Variants in NGLY1 observed in about 807,000 individuals in gnomAD.
NGLY1 encodes peptide-N(4)-(N-acetyl-beta-glucosaminyl)asparagine amidase.
NGLY1 carries 68 observed loss-of-function variants against 84.6 expected under a neutral mutation model. That is an observed-to-expected ratio of 0.80 (90% CI 0.66 to 0.98). The LOEUF (loss-of-function observed/expected upper bound fraction) is 0.98, where lower values mean the gene tolerates loss of function less well. Ranked by LOEUF, NGLY1 falls within the 50% of genes least tolerant of loss-of-function variation. The pLI is 0.00. For missense variants in NGLY1, 779 were observed against 770.2 expected, an observed-to-expected ratio of 1.01 and a Z score of -0.14; for synonymous variants, 280 against 275.2, an observed-to-expected ratio of 1.02 and a Z score of -0.17.
At chr3:25,754,531 G>A (rs1398464601) in intron 3 of NGLY1, among the ~76,000 whole-genome samples, 2 of 152,072 alleles carry the variant, frequency 1.3e-5, no homozygotes, top group African/African-American at 2.4e-5. Context: ...AGAGTAAAAC[G>A]ATCTGATGTG....
intron 1 of NGLY1, among the ~76,000 whole-genome samples, chr3:25,780,992 T>A (rs1264147741): frequency 6.6e-6 from 1 of 152,142 alleles, no homozygotes; most frequent in African/African-American, 2.4e-5. Context: ...TTTTCTTTTT[T>A]GAGAAAGGTC....
intron 4 of NGLY1, among the ~76,000 whole-genome samples, chr3:25,740,424 T>C (rs1231209096): frequency 6.6e-6 from 1 of 152,152 alleles, no homozygotes; most frequent in Non-Finnish European, 1.5e-5. Context: ...CAGATCTCTC[T>C]TGTTCATATT....
At chr3:25,762,934 A>G (rs765246995) in intron 3 of NGLY1, among the ~76,000 whole-genome samples, 3 of 152,052 alleles carry the variant, frequency 2.0e-5, no homozygotes, top group Non-Finnish European at 4.4e-5. Flanking sequence ...AGCCTGGGCA[A>G]CAAGAGTGAA....
At chr3:25,753,316 G>A (rs1291047235) in intron 3 of NGLY1, among the ~76,000 whole-genome samples, 1 of 152,106 alleles carries the variant, frequency 6.6e-6, no homozygotes, top group Non-Finnish European at 1.5e-5. Flanking sequence ...AACTAATCAT[G>A]TACAGGGGCA....
At position 25,764,291 on chromosome 3, in the gene NGLY1, A is replaced by T; in HGVS notation, c.267T>A (p.Phe89Leu). 6.2e-7 allele frequency: 1 copy of T among 1,613,994 alleles called. No individual in the cohort carries two copies. Among genetic ancestry groups the T allele is most frequent in the African/African-American group, 1.3e-5 (1 of 75,006 alleles). Residue 89 changes from phenylalanine (F) to leucine (L), a missense_variant, in exon 3 of 12, where the codon TTT becomes TTA. Transcript: ENST00000280700. The stretch of plus-strand genomic sequence containing the variant: ...GCTGCTCCACTGAAGCTTTTTTAGG[A>T]AAGATGAGATGTGTTTCTCCCTGGA... The part of the protein sequence containing the change: ...GFEEGETHLI[F>L]PKKASVEQLQ...
intron 2 of NGLY1, among the ~76,000 whole-genome samples, chr3:25,775,385 C>T (rs533994018): frequency 3.9e-5 from 6 of 152,282 alleles, no homozygotes; most frequent in African/African-American, 1.2e-4. Context: ...TGGAATTAAC[C>T]TAATTGTCCA....
At chr3:25,778,732 T>G (rs1476511446) in intron 1 of NGLY1, 44 bp from the exon 2 acceptor site, 1 of 1,173,558 alleles carries the variant, frequency 8.5e-7, no homozygotes, top group East Asian at 2.4e-5. Context: ...AAAAACCAGG[T>G]CATAGTTCTT....
At chr3:25,753,411 T>A (rs1706860037) in intron 3 of NGLY1, among the ~76,000 whole-genome samples, 1 of 79,026 alleles carries the variant, frequency 1.3e-5, no homozygotes, top group African/African-American at 2.5e-5. Context: ...GGAAAGTTAT[T>A]ATAGCCAAAA....
intron 7 of NGLY1, chr3:25,735,007 A>G (rs1246645667): frequency 6.5e-6 from 2 of 306,976 alleles, no homozygotes; most frequent in African/African-American, 4.4e-5. Context: ...AAATGGTGCT[A>G]GAACAATTCA....
rs1706985814 is a variant in NGLY1, at chr3:25,755,361, CT to C, written c.493-4099del. 3.8e-6 allele frequency: 5 copies of C among 1,304,858 alleles called. No individual in the cohort carries two copies. The Admixed American group carries it at 8.4e-5, about 22-fold the overall frequency. 80.8% of individuals were successfully genotyped at this position (1,304,858 alleles called of 1,614,324 possible). A position where few individuals can be genotyped will look rare whatever the true frequency, so the allele number is the denominator to read the frequency against. On this transcript the variant is annotated intron_variant, in intron 3 of 11. Coordinates refer to ENST00000280700, the MANE Select transcript of NGLY1 (RefSeq NM_018297.4). Reference sequence around the variant, plus strand: ...CAAGGGAGGCTAGTTCTACGATTGACTGTTGGTGCTGTTAGTAGCAAACCTA... The same window carrying C: ...CAAGGGAGGCTAGTTCTACGATTGACGTTGGTGCTGTTAGTAGCAAACCTA...
intron 8 of NGLY1, 135 bp from the exon 9 acceptor site, chr3:25,732,618 T>C (rs1559533075): frequency 3.5e-6 from 2 of 565,802 alleles, no homozygotes; most frequent in Non-Finnish European, 6.0e-6. Flanking sequence ...TTCAAACATA[T>C]ATTATTCAGA....
intron 3 of NGLY1, among the ~76,000 whole-genome samples, chr3:25,753,169 G>C (rs970144152): frequency 2.0e-5 from 3 of 152,040 alleles, no homozygotes; most frequent in African/African-American, 7.2e-5. Flanking sequence ...AAAATCCTAA[G>C]AGTCTTCAAG....
chr3:25,777,602 G>C (rs1020494912), intron 2 of NGLY1: 3 of 152,118 alleles, frequency 2.0e-5, no homozygotes, highest in African/African-American at 7.2e-5. Context: ...GAGAGTTTCA[G>C]GTACCTGAGA....
At chr3:25,742,956 T>TTA (rs1706228903) in intron 4 of NGLY1, among the ~76,000 whole-genome samples, 1 of 147,698 alleles carries the variant, frequency 6.8e-6, no homozygotes, top group Admixed American at 6.8e-5. Flanking sequence ...GATGGGGAGA[T>TTA]TATCCTGGAA....
Position 25,732,329 on chromosome 3 carries a change from A to G in NGLY1, c.1415T>C (p.Met472Thr), listed in dbSNP as rs1553652803. ...GAATGAATTAAATACCTGTAGACCC[A>G]TTTCACCTCGGGCTACTCTCCAAGC... Reference protein sequence around the residue: ...SVAWRVARGEMGLQRKETLFI... With the variant: ...SVAWRVARGETGLQRKETLFI... Residue 472 changes from methionine to threonine, a missense_variant, in exon 9 of 12, where the codon ATG (methionine) becomes ACG (threonine). Transcript: ENST00000280700. 3.1e-6 allele frequency: 5 copies of G among 1,613,216 alleles called. No homozygotes were observed. Among genetic ancestry groups the G allele is most frequent in the Admixed American group, 3.3e-5 (2 of 59,942 alleles).
intron 2 of NGLY1, among the ~76,000 whole-genome samples, chr3:25,773,951 G>C (rs1490941264): frequency 6.6e-6 from 1 of 152,202 alleles, no homozygotes; most frequent in Non-Finnish European, 1.5e-5. Context: ...TGTCTGCAAA[G>C]AGTCCTGTGA....
At chr3:25,731,619 C>T (rs1705538749) in intron 9 of NGLY1, among the ~76,000 whole-genome samples, 1 of 152,086 alleles carries the variant, frequency 6.6e-6, no homozygotes, top group Non-Finnish European at 1.5e-5. Context: ...AATGCCTAAA[C>T]ATATTCACTG....
chr3:25,730,281 G>A (rs990477841), intron 9 of NGLY1: 4 of 151,820 alleles, frequency 2.6e-5, no homozygotes, highest in South Asian at 2.1e-4. Flanking sequence ...AATTCCAAAA[G>A]TATTTAGGAT....
chr3:25,720,705 T>C (rs1704940732), intron 10 of NGLY1, among the ~76,000 whole-genome samples: 1 of 152,212 alleles, frequency 6.6e-6, no homozygotes, highest in South Asian at 2.1e-4. Context: ...CTAAATAGCA[T>C]GCTCCCTGTT....
Sources: gnomAD v4.1 joint callset for allele counts (sites outside exome capture counted in the v4.1 genomes callset) on GRCh38, gnomAD v4.1.1 for gene constraint, MANE v1.5 for transcripts, NCBI Gene and HGNC (gene_info 2026-07-23, HGNC 2026-07-21) for gene names.